DYM: variants seen among roughly 807,000 people sequenced by gnomAD.
DYM encodes dymeclin.
A neutral mutation model predicts 93.1 loss-of-function variants in DYM; 78 were observed. The observed-to-expected ratio is 0.84, with a 90% CI of 0.70 to 1.01. DYM has a LOEUF of 1.01. DYM is among the 50% of genes least tolerant of loss of function. DYM has a pLI of 0.00. For synonymous variants in DYM, 321 were observed against 319.7 expected, an observed-to-expected ratio of 1.00 and a Z score of -0.04; for missense variants, 789 against 845.0, an observed-to-expected ratio of 0.93 and a Z score of 0.82.
intron 5 of DYM, among the ~76,000 whole-genome samples, chr18:49,372,987 A>G (rs1398942759): frequency 1.3e-5 from 2 of 152,178 alleles, no homozygotes; most frequent in Non-Finnish European, 2.9e-5. Context: ...AGGATGCACA[A>G]CAAAAAACCT....
intron 17 of DYM, among the ~76,000 whole-genome samples, chr18:49,055,113 TG>T (rs2075360664): frequency 1.3e-5 from 2 of 152,070 alleles, no homozygotes; most frequent in Admixed American, 1.3e-4. Context: ...TGCCTTGGTG[TG>T]TGGGCAGGGT....
rs1461661004 is a variant in DYM, at chr18:49,379,700, T to C, written c.252A>G (p.Arg84=). 5 of 1,613,326 alleles carry C rather than the reference T, an allele frequency of 3.1e-6. No individual in the cohort carries two copies. The East Asian group carries it at 1.1e-4, about 36-fold the overall frequency. Residue 84 remains arginine (R), a synonymous_variant, in exon 4 of 18, where the codon AGA becomes AGG. Coordinates refer to ENST00000675505, the MANE Select transcript of DYM (RefSeq NM_001353214.3). The stretch of plus-strand genomic sequence containing the variant: ...CTGCTGAAAGTTTTAGTTCTTTGGT[T>C]CTAGAAAGGAAGACCTTAATTAGTG... ...LGALIKVFLS[R]TKELKLSAEC...
intron 8 of DYM, among the ~76,000 whole-genome samples, chr18:49,323,039 T>C (rs2062610366): frequency 6.6e-6 from 1 of 152,196 alleles, no homozygotes; most frequent in South Asian, 2.1e-4. Flanking sequence ...ACCAAATTAT[T>C]GTAACCCATA....
chr18:49,315,190 G>A (rs138069483), intron 8 of DYM, among the ~76,000 whole-genome samples: 198 of 150,952 alleles, frequency 1.3e-3, no homozygotes, highest in Non-Finnish European at 2.3e-3. Context: ...ACTCCAGCCT[G>A]GGTGACAGAG....
intron 14 of DYM, among the ~76,000 whole-genome samples, chr18:49,192,903 GT>G (rs1219161846): frequency 6.6e-6 from 1 of 152,136 alleles, no homozygotes; most frequent in Admixed American, 6.6e-5. Context: ...GGCCAAGGGG[GT>G]AGCGGGGAAA....
At chr18:49,312,088 A>G (rs1599334740) in intron 8 of DYM, among the ~76,000 whole-genome samples, 1 of 152,218 alleles carries the variant, frequency 6.6e-6, no homozygotes, top group South Asian at 2.1e-4. Flanking sequence ...AAACTTCACT[A>G]TTGCTTATGT....
Position 49,241,368 on chromosome 18 carries a change from C to A in DYM, c.1460+15642G>T, listed in dbSNP as rs550117219. 8.5e-5 allele frequency among the ~76,000 whole-genome samples: 13 copies of A among 152,316 alleles called. No individual in the cohort carries two copies. In the South Asian group the frequency reaches 1.9e-3, roughly 22 times the overall value. ...CAGCTCCACACTATTAGCTACATGA[C>A]CTTGGCTAAGTTTCAGTCTGAGTCT... On this transcript the variant is annotated intron_variant, in intron 13 of 17. Transcript: ENST00000675505.
chr18:49,192,926 G>A (rs1461368760), intron 14 of DYM, among the ~76,000 whole-genome samples: 1 of 152,160 alleles, frequency 6.6e-6, no homozygotes, highest in African/African-American at 2.4e-5. Flanking sequence ...GGAGATTACA[G>A]TCAAAGGGTA....
chr18:49,113,055 T>C (rs2081571993), intron 16 of DYM, among the ~76,000 whole-genome samples: 1 of 152,164 alleles, frequency 6.6e-6, no homozygotes, highest in Non-Finnish European at 1.5e-5. Context: ...TAAGAAAGAC[T>C]ATAGAAGAAA....
chr18:49,232,302 TTTTC>T (rs1171650723), intron 13 of DYM, among the ~76,000 whole-genome samples: 4 of 151,492 alleles, frequency 2.6e-5, no homozygotes, highest in South Asian at 2.1e-4. Context: ...TTTTTTGATT[TTTTC>T]TTTTTTTTTT....
At chr18:49,116,125 G>A (rs907978153) in intron 16 of DYM, 6 of 152,140 alleles carry the variant, frequency 3.9e-5, no homozygotes, top group Non-Finnish European at 8.8e-5. Flanking sequence ...TCTCTCATTC[G>A]GAGAAGCCCA....
intron 10 of DYM, among the ~76,000 whole-genome samples, 189 bp downstream of exon 10, chr18:49,281,808 T>C (rs895299244): frequency 5.9e-5 from 9 of 151,376 alleles, no homozygotes; most frequent in South Asian, 2.1e-4. Context: ...TGTTGTGGAG[T>C]GGGGGCAGGG....
chr18:49,362,310 C>T (rs1282707204), intron 6 of DYM, among the ~76,000 whole-genome samples: 1 of 152,094 alleles, frequency 6.6e-6, no homozygotes, highest in African/African-American at 2.4e-5. Flanking sequence ...CCAACCTGGC[C>T]AACATAGTGA....
At chr18:49,163,857 A>T in intron 14 of DYM, 70 bp from the exon 15 acceptor site, 2 of 949,662 alleles carry the variant, frequency 2.1e-6, no homozygotes, top group Non-Finnish European at 3.3e-6. Flanking sequence ...GTGGAAATAT[A>T]TAGTTCCACA....
At chr18:49,258,261 C>T (rs2094426194) in intron 12 of DYM, 119 bp downstream of exon 12, 2 of 723,012 alleles carry the variant, frequency 2.8e-6, no homozygotes, top group Non-Finnish European at 2.5e-6. Context: ...TATACAGTGA[C>T]CGGTATTTTC....
At chr18:49,453,554 C>T (rs1372252902) in intron 1 of DYM, among the ~76,000 whole-genome samples, 3 of 152,122 alleles carry the variant, frequency 2.0e-5, no homozygotes, top group Non-Finnish European at 2.9e-5. Context: ...CCACACACGC[C>T]GCCTTTAAGA....
chr18:49,373,629 T>C (rs905721571), intron 5 of DYM, among the ~76,000 whole-genome samples: 1 of 152,212 alleles, frequency 6.6e-6, no homozygotes, highest in Non-Finnish European at 1.5e-5. Context: ...ATGTCTTAAC[T>C]GTCTGGGAAT....
intron 13 of DYM, among the ~76,000 whole-genome samples, chr18:49,243,490 C>T (rs2094084323): frequency 6.6e-6 from 1 of 151,840 alleles, no homozygotes; most frequent in African/African-American, 2.4e-5. Flanking sequence ...CATTGTAAAT[C>T]CCTGTCTCTA....
At chr18:49,321,650 C>A (rs1364380248) in intron 8 of DYM, among the ~76,000 whole-genome samples, 1 of 152,118 alleles carries the variant, frequency 6.6e-6, no homozygotes, top group African/African-American at 2.4e-5. Flanking sequence ...ATCATAAACA[C>A]TATTCCAAAT....
Sources: gnomAD v4.1 joint callset for allele counts (sites outside exome capture counted in the v4.1 genomes callset) on GRCh38, gnomAD v4.1.1 for gene constraint, MANE v1.5 for transcripts, NCBI Gene and HGNC (gene_info 2026-07-23, HGNC 2026-07-21) for gene names.